Variants in L2HGDH observed in about 807,000 individuals in gnomAD.
L2HGDH encodes the protein L-2-hydroxyglutarate dehydrogenase.
A neutral mutation model predicts 51.5 loss-of-function variants in L2HGDH; 34 were observed. The ratio of observed to expected loss-of-function variants is 0.66; its 90% CI spans 0.50 to 0.88. The LOEUF (loss-of-function observed/expected upper bound fraction) is 0.88. Ranked by LOEUF, L2HGDH falls within the 40% of genes least tolerant of loss-of-function variation. L2HGDH has a pLI of 0.00. For missense variants in L2HGDH, 558 were observed against 571.9 expected (o/e 0.98, Z 0.25); for synonymous variants, 198 against 197.9 (o/e 1.00, Z -0.01).
At chr14:50,296,820 G>A (rs562101978) in intron 3 of L2HGDH, among the ~76,000 whole-genome samples, 8 of 152,108 alleles carry the variant, frequency 5.3e-5, no homozygotes, top group South Asian at 2.1e-4. Context: ...ACCAGATATC[G>A]TAAGAAATTG....
At chr14:50,286,645 T>C (rs974210747) in intron 4 of L2HGDH, among the ~76,000 whole-genome samples, 1 of 152,226 alleles carries the variant, frequency 6.6e-6, no homozygotes, top group African/African-American at 2.4e-5. Flanking sequence ...TGTTCTACTA[T>C]ATATTGCCAT....
At chr14:50,282,715 G>A (rs1276426232) in intron 5 of L2HGDH, among the ~76,000 whole-genome samples, 1 of 152,148 alleles carries the variant, frequency 6.6e-6, no homozygotes, top group Non-Finnish European at 1.5e-5. Flanking sequence ...AGTCAAATGA[G>A]TTAATACTTG....
Position 50,245,684 on chromosome 14 carries a change from TGA to T in L2HGDH, c.*1372_*1373del, listed in dbSNP as rs1171504458. On this transcript the variant is annotated 3_prime_UTR_variant, in exon 10 of 10. Transcript: ENST00000267436. ...ACAATATAATGTATTTTCTTGTCTA[TGA>T]GAGACCAAACGAGCTTAGGTAGCGT... The T allele has an allele frequency of 2.3e-5, 23 of 984,730 alleles. No individual in the cohort carries two copies. Among genetic ancestry groups the T allele is most frequent in the Non-Finnish European group, 2.5e-5 (21 of 829,442 alleles). The allele number at this position is 984,730 out of a possible 1,614,324, so 61.0% of individuals were successfully genotyped here. A position where few individuals can be genotyped will look rare whatever the true frequency, so the allele number is the denominator to read the frequency against.
At chr14:50,269,012 G>T in intron 7 of L2HGDH, 151 bp downstream of exon 7, 6 of 588,888 alleles carry the variant, frequency 1.0e-5, no homozygotes, top group East Asian at 3.3e-5. Flanking sequence ...AAAGATTTAG[G>T]GATTTAACCA....
chr14:50,277,818 A>G (rs957968829), intron 6 of L2HGDH, among the ~76,000 whole-genome samples: 2 of 131,232 alleles, frequency 1.5e-5, no homozygotes, highest in Non-Finnish European at 3.4e-5. Context: ...AATAATAATA[A>G]TAATAATAAT....
At chr14:50,311,312 T>C in intron 1 of L2HGDH, 1 of 456,062 alleles carries the variant, frequency 2.2e-6, no homozygotes, top group East Asian at 6.9e-5. Context: ...GTAGTCCTTC[T>C]GGGTCATTCC....
Position 50,301,987 on chromosome 14 carries a change from A to G in L2HGDH, c.408+30T>C, listed in dbSNP as rs1207500242. ...ATCACTAAGCAAATGCTAGTTGGAA[A>G]TTAGTCAAGGCTCTAATAAAATGCC... On this transcript the variant is annotated intron_variant, in intron 3 of 9. Transcript: ENST00000267436. 2.5e-6 allele frequency: 4 copies of G among 1,611,958 alleles called. No homozygotes were observed. In the Admixed American group the frequency reaches 6.7e-5, roughly 27 times the overall value.
At chr14:50,310,306 G>A (rs1286796426) in intron 1 of L2HGDH, among the ~76,000 whole-genome samples, 7 of 152,002 alleles carry the variant, frequency 4.6e-5, no homozygotes. Flanking sequence ...CTGGGCTCAA[G>A]TGATCCTCCT....
rs2139982429 is a variant in L2HGDH, at chr14:50,269,333, AGT to A, written c.739-5_739-4del. ...TACTGACATCGAATTTCCTCTCCCT[AGT>A]GCAAAATAAAAGAACAGTTATTTGT... On this transcript the variant is annotated splice_polypyrimidine_tract_variant and splice_region_variant and intron_variant, in intron 6 of 9. Transcript: ENST00000267436. The A allele has an allele frequency of 3.1e-6, 5 of 1,613,838 alleles. No homozygotes were observed. The highest frequency in any genetic ancestry group is 4.2e-6 in the Non-Finnish European group (5 of 1,179,760).
intron 2 of L2HGDH, among the ~76,000 whole-genome samples, chr14:50,302,422 C>T (rs1157070611): frequency 1.3e-5 from 2 of 152,172 alleles, no homozygotes; most frequent in Admixed American, 1.3e-4. Flanking sequence ...CTTCAGGGGC[C>T]CCCTAGGGCT....
chr14:50,243,150 C>G lies in L2HGDH; in HGVS notation c.*3908G>C. 1.0e-6 allele frequency: 1 copy of G among 985,368 alleles called. No individual in the cohort carries two copies. The highest frequency in any genetic ancestry group is 1.2e-6 in the Non-Finnish European group (1 of 829,926). 61.0% of individuals were successfully genotyped at this position (985,368 alleles called of 1,614,324 possible). ...GGCAACTCCCCAAACAGTGCTAATG[C>G]TGAGAGGATCAAGGGAAGGACTTTG... is the stretch of plus-strand genomic sequence containing the variant. On this transcript the variant is annotated 3_prime_UTR_variant, in exon 10 of 10. Transcript: ENST00000267436.
Position 50,247,081 on chromosome 14 carries a change from C to T in L2HGDH, c.1369G>A (p.Val457Ile), listed in dbSNP as rs1481132313. The T allele has an allele frequency of 6.2e-7, 1 of 1,613,788 alleles. No homozygotes were observed. Among genetic ancestry groups the T allele is most frequent in the South Asian group, 1.1e-5 (1 of 91,058 alleles). The change falls in exon 10 of 10, where the codon GTA becomes ATA. Residue 457 changes from valine to isoleucine, a missense_variant. Physicochemically the swap from Val to Ile is conservative, Grantham distance 29 (BLOSUM62 3). Around this residue, in one of 3 missense-constraint regions of L2HGDH, gnomAD observed 321 missense variants for 311.8 expected, o/e 1.03. Transcript: ENST00000267436. ...IAISGMIADEVQQRFEL is the reference protein window; with the variant it reads ...IAISGMIADEIQQRFEL ...ATTTATAATTCAAATCTTTGTTGTACTTCATCTGCAATCATTCCAGAAATT... is the reference window on the plus strand; with the variant it reads ...ATTTATAATTCAAATCTTTGTTGTATTTCATCTGCAATCATTCCAGAAATT...
rs1887866335 is a variant in L2HGDH at position 50,243,195 on chromosome 14, G to T, written c.*3863C>A. 1.0e-6 allele frequency: 1 copy of T among 985,190 alleles called. No homozygotes were observed. The highest frequency in any genetic ancestry group is 6.2e-5 in the Admixed American group (1 of 16,254). The allele number at this position is 985,190 out of a possible 1,614,324, so 61.0% of individuals were successfully genotyped here. On this transcript the variant is annotated 3_prime_UTR_variant, in exon 10 of 10. Coordinates refer to ENST00000267436, the MANE Select transcript of L2HGDH (RefSeq NM_024884.3). ...ACTTTGATATACACATATATGTATG[G>T]ATAAAAGAGTTAAGCTACGTAACAT... is the stretch of plus-strand genomic sequence containing the variant.
chr14:50,287,669 T>C (rs751611256), intron 4 of L2HGDH, among the ~76,000 whole-genome samples: 5 of 148,048 alleles, frequency 3.4e-5, no homozygotes, highest in Non-Finnish European at 7.5e-5. Context: ...AGTTGACACA[T>C]AATTATATTT....
intron 4 of L2HGDH, among the ~76,000 whole-genome samples, chr14:50,284,786 GGTGA>G (rs1466728286): frequency 2.0e-5 from 3 of 152,090 alleles, no homozygotes; most frequent in Non-Finnish European, 4.4e-5. Context: ...ACATCCAGAC[GGTGA>G]GTGCTATTAA....
chr14:50,299,200 A>G (rs1360673212), intron 3 of L2HGDH, among the ~76,000 whole-genome samples: 1 of 152,184 alleles, frequency 6.6e-6, no homozygotes, highest in East Asian at 1.9e-4. Context: ...CCAACTATAT[A>G]TGCCAATAAG....
At chr14:50,252,053 TACA>T (rs1384786534) in intron 9 of L2HGDH, among the ~76,000 whole-genome samples, 1 of 150,008 alleles carries the variant, frequency 6.7e-6, no homozygotes, top group African/African-American at 2.5e-5. Context: ...AAATAGTAAC[TACA>T]ACAACTTTTC....
chr14:50,289,985 G>T (rs1890781904), intron 4 of L2HGDH, among the ~76,000 whole-genome samples: 1 of 152,200 alleles, frequency 6.6e-6, no homozygotes, highest in African/African-American at 2.4e-5. Flanking sequence ...CCTTAAGTCG[G>T]CCAGGCGCAG....
chr14:50,267,449 T>C (rs907497334), intron 8 of L2HGDH, among the ~76,000 whole-genome samples: 3 of 152,216 alleles, frequency 2.0e-5, no homozygotes, highest in Non-Finnish European at 4.4e-5. Context: ...CCCAGAGTGC[T>C]GGGATTACAG....
Sources: allele counts gnomAD v4.1 joint callset (sites outside exome capture counted in the v4.1 genomes callset), GRCh38; gene constraint gnomAD v4.1.1; regional missense constraint gnomAD v4.1.1; transcripts MANE v1.5; gene names NCBI Gene and HGNC (gene_info 2026-07-23, HGNC 2026-07-21).